FOXP1: variants seen among roughly 807,000 people sequenced by gnomAD.
FOXP1 encodes forkhead box protein P1.
A neutral mutation model predicts 98.2 loss-of-function variants in FOXP1; 15 were observed. That is an observed-to-expected ratio of 0.15 (90% CI 0.10 to 0.24). The LOEUF (loss-of-function observed/expected upper bound fraction) is 0.24. FOXP1 is among the 10% of genes least tolerant of loss of function. The pLI is 1.00. For synonymous variants in FOXP1, 371 were observed against 314.5 expected (o/e 1.18, Z -1.90); for missense variants, 633 against 848.5 (o/e 0.75, Z 3.15).
chr3:71,255,512 T>C lies in FOXP1; in HGVS notation c.-12+44308A>G, dbSNP rs140310100. ...TTCTCCCATCTTAACAATCTTCTTT[T>C]AGGCTAATAAATTTCTTTTGATGCC... On this transcript the variant is annotated intron_variant, in intron 5 of 20. Transcript: ENST00000649528. Among the ~76,000 whole-genome samples, 1,507 of 152,330 alleles carry C rather than the reference T, an allele frequency of 9.9e-3. 33 individuals are homozygous for C. Among genetic ancestry groups the C allele is most frequent in the African/African-American group, 0.035 (1,446 of 41,588 alleles).
intron 3 of FOXP1, among the ~76,000 whole-genome samples, chr3:71,441,039 T>A (rs756747587): frequency 2.0e-5 from 3 of 152,216 alleles, no homozygotes; most frequent in Non-Finnish European, 4.4e-5. Context: ...TACTTCAGGT[T>A]TTTTAAAGGT....
intron 3 of FOXP1, among the ~76,000 whole-genome samples, chr3:71,439,414 A>C (rs1310915199): frequency 6.6e-6 from 1 of 152,210 alleles, no homozygotes; most frequent in Non-Finnish European, 1.5e-5. Flanking sequence ...TCTTTCAGCT[A>C]AGAAAAGGTA....
chr3:71,234,494 G>A (rs1483330342), intron 5 of FOXP1, among the ~76,000 whole-genome samples: 1 of 152,186 alleles, frequency 6.6e-6, no homozygotes, highest in Non-Finnish European at 1.5e-5. Flanking sequence ...ATCCTTGGAG[G>A]CACAAGTTGC....
At chr3:70,982,374 G>T (rs768491617) in intron 14 of FOXP1, among the ~76,000 whole-genome samples, 4 of 152,198 alleles carry the variant, frequency 2.6e-5, no homozygotes, top group Non-Finnish European at 4.4e-5. Flanking sequence ...CATGGGGCAG[G>T]AAGGGAATGG....
At chr3:71,396,953 T>TATATATATATACACAC (rs1560424164) in intron 3 of FOXP1, among the ~76,000 whole-genome samples, 1 of 53,042 alleles carries the variant, frequency 1.9e-5, no homozygotes, top group Non-Finnish European at 4.4e-5. Flanking sequence ...TATATGTGTA[T>TATATATATATACACAC]ATATATATAT....
At chr3:71,017,612 TCTCAA>T (rs1576192582) in intron 11 of FOXP1, among the ~76,000 whole-genome samples, 1 of 152,094 alleles carries the variant, frequency 6.6e-6, no homozygotes, top group East Asian at 1.9e-4. Flanking sequence ...TTTCTCATGT[TCTCAA>T]CTCATCTTCA....
At chr3:71,550,374 C>T (rs1457326446) in intron 2 of FOXP1, among the ~76,000 whole-genome samples, 2 of 152,210 alleles carry the variant, frequency 1.3e-5, no homozygotes, top group Non-Finnish European at 2.9e-5. Flanking sequence ...CGCTCCGTGC[C>T]TCAGTTTCCA....
chr3:71,112,479 G>T, intron 7 of FOXP1, 57 bp downstream of exon 7: 1 of 1,331,510 alleles, frequency 7.5e-7, no homozygotes, highest in Non-Finnish European at 1.1e-6. Context: ...CTCCTGAACT[G>T]CTTGTCACTT....
intron 3 of FOXP1, among the ~76,000 whole-genome samples, chr3:71,472,060 G>A (rs898088496): frequency 1.3e-5 from 2 of 152,168 alleles, no homozygotes; most frequent in Admixed American, 6.5e-5. Flanking sequence ...ACTAAAAGTC[G>A]ATGCTAGAAG....
intron 5 of FOXP1, among the ~76,000 whole-genome samples, chr3:71,276,935 CTACTTTTTAAG>C (rs1193051690): frequency 2.3e-4 from 34 of 149,094 alleles, no homozygotes; most frequent in African/African-American, 8.1e-4. Context: ...ATCCTCTGTT[CTACTTTTTAAG>C]TAGATCAACT....
intron 5 of FOXP1, among the ~76,000 whole-genome samples, chr3:71,234,993 C>T (rs2066653215): frequency 6.6e-6 from 1 of 152,164 alleles, no homozygotes; most frequent in Non-Finnish European, 1.5e-5. Context: ...ACATCTAATA[C>T]CCTGTCCCTT....
Position 71,133,244 on chromosome 3 carries a change from G to A in FOXP1, c.181-20607C>T, listed in dbSNP as rs55643111. Reference sequence around the variant, plus strand: ...AAGTCTTTTTTAAAAAATCTGACACGTATAAAGACCTTCATTAGTATAATT... The same window carrying A: ...AAGTCTTTTTTAAAAAATCTGACACATATAAAGACCTTCATTAGTATAATT... On this transcript the variant is annotated intron_variant, in intron 6 of 20. Coordinates refer to ENST00000649528, the MANE Select transcript of FOXP1 (RefSeq NM_001349338.3). 1.0e-3 allele frequency among the ~76,000 whole-genome samples: 152 copies of A among 152,222 alleles called. 1 individual carries two copies. The highest frequency in any genetic ancestry group is 1.7e-3 in the Non-Finnish European group (117 of 68,018).
chr3:71,021,956 T>C (rs566436721), intron 11 of FOXP1, among the ~76,000 whole-genome samples: 3 of 152,354 alleles, frequency 2.0e-5, no homozygotes, highest in Admixed American at 1.3e-4. Flanking sequence ...TTTTGAATTC[T>C]GATGAGGTCC....
intron 2 of FOXP1, among the ~76,000 whole-genome samples, chr3:71,545,944 T>G (rs958317140): frequency 6.6e-6 from 1 of 152,234 alleles, no homozygotes; most frequent in Non-Finnish European, 1.5e-5. Flanking sequence ...CTTTAAATGT[T>G]GCATATATCC....
At chr3:71,276,977 G>T (rs543143680) in intron 5 of FOXP1, among the ~76,000 whole-genome samples, 43 of 101,248 alleles carry the variant, frequency 4.2e-4, no homozygotes, top group South Asian at 9.5e-4. Context: ...TTTTTTTTTA[G>T]AGACGGAGTC....
intron 4 of FOXP1, among the ~76,000 whole-genome samples, chr3:71,302,321 T>C (rs553388594): frequency 3.8e-4 from 58 of 152,240 alleles, no homozygotes; most frequent in African/African-American, 1.3e-3. Flanking sequence ...CTTAGAAGAA[T>C]TGGAAACCAA....
chr3:70,957,186 T>G lies in FOXP1; in HGVS notation c.*2061A>C. Reference sequence around the variant, plus strand: ...TTTTGAGATGGGACTCCCTTCCTTCTGTAGCTCCTTTAATATTGTGTCCTA... The same window carrying G: ...TTTTGAGATGGGACTCCCTTCCTTCGGTAGCTCCTTTAATATTGTGTCCTA... On this transcript the variant is annotated 3_prime_UTR_variant, in exon 21 of 21. Transcript: ENST00000649528. 1 of 224,208 alleles carries G rather than the reference T, an allele frequency of 4.5e-6. No homozygotes were observed. The highest frequency in any genetic ancestry group is 8.9e-6 in the Non-Finnish European group (1 of 112,252). The allele number at this position is 224,208 out of a possible 1,614,324, so 13.9% of individuals were successfully genotyped here.
intron 3 of FOXP1, among the ~76,000 whole-genome samples, chr3:71,408,702 G>A (rs1423172084): frequency 5.3e-5 from 8 of 152,176 alleles, no homozygotes; most frequent in Admixed American, 5.2e-4. Flanking sequence ...CAGCATAAAG[G>A]CAATCCTTTT....
At chr3:71,337,276 C>T (rs1387359464) in intron 4 of FOXP1, among the ~76,000 whole-genome samples, 2 of 152,112 alleles carry the variant, frequency 1.3e-5, no homozygotes, top group Non-Finnish European at 2.9e-5. Context: ...TATACAAATA[C>T]ATATATATGA....
Sources: gnomAD v4.1 joint callset for allele counts (sites outside exome capture counted in the v4.1 genomes callset) on GRCh38, gnomAD v4.1.1 for gene constraint, MANE v1.5 for transcripts, NCBI Gene and HGNC (gene_info 2026-07-23, HGNC 2026-07-21) for gene names.